Variants in ANO6 observed in about 807,000 individuals in gnomAD.
The protein encoded by ANO6 is anoctamin 6, also known as anoctamin-6.
A neutral mutation model predicts 117.5 loss-of-function variants in ANO6; 106 were observed. The ratio of observed to expected loss-of-function variants is 0.90; its 90% CI spans 0.77 to 1.06. The LOEUF is 1.06. Ranked by LOEUF, ANO6 falls within the 50% of genes least tolerant of loss-of-function variation. The pLI is 0.00. For missense variants in ANO6, 955 were observed against 1,121.1 expected, an observed-to-expected ratio of 0.85 and a Z score of 2.12; for synonymous variants, 367 against 385.1, an observed-to-expected ratio of 0.95 and a Z score of 0.55.
chr12:45,310,878 C>T (rs1939827223), intron 2 of ANO6, among the ~76,000 whole-genome samples: 1 of 151,222 alleles, frequency 6.6e-6, no homozygotes, highest in African/African-American at 2.4e-5. Context: ...AATGGAGACA[C>T]TGGAGCTGAA....
intron 8 of ANO6, among the ~76,000 whole-genome samples, chr12:45,363,479 G>A (rs748115438): frequency 5.3e-5 from 8 of 151,628 alleles, no homozygotes; most frequent in South Asian, 2.1e-4. Context: ...CAGGAGAATC[G>A]CTTGAACCCG....
At chr12:45,390,618 T>G in intron 12 of ANO6, 120 bp downstream of exon 12, 2 of 898,760 alleles carry the variant, frequency 2.2e-6, no homozygotes, top group Non-Finnish European at 3.5e-6. Flanking sequence ...AACTATATGG[T>G]CTCAGAGAGA....
intron 1 of ANO6, among the ~76,000 whole-genome samples, chr12:45,224,824 T>G (rs1031167690): frequency 5.9e-5 from 9 of 152,212 alleles, no homozygotes; most frequent in African/African-American, 1.9e-4. Flanking sequence ...AATGCTCCTA[T>G]GAAAATTTCC....
intron 12 of ANO6, among the ~76,000 whole-genome samples, chr12:45,393,673 A>G (rs1002499877): frequency 6.6e-6 from 1 of 152,224 alleles, no homozygotes; most frequent in African/African-American, 2.4e-5. Flanking sequence ...GAGCCAGAAG[A>G]GAGTGGGGGC....
chr12:45,409,969 T>C (rs1337100079), intron 16 of ANO6, among the ~76,000 whole-genome samples: 1 of 152,186 alleles, frequency 6.6e-6, no homozygotes, highest in Non-Finnish European at 1.5e-5. Flanking sequence ...TTGTCCAGGC[T>C]AGTCTCAAAC....
At chr12:45,316,424 G>A (rs759730648) in intron 2 of ANO6, among the ~76,000 whole-genome samples, 1 of 152,020 alleles carries the variant, frequency 6.6e-6, no homozygotes, top group African/African-American at 2.4e-5. Flanking sequence ...AAGAGGAAAC[G>A]GAGCAAAGGA....
chr12:45,395,167 T>A (rs1198569028), intron 12 of ANO6, among the ~76,000 whole-genome samples: 1 of 152,152 alleles, frequency 6.6e-6, no homozygotes, highest in Non-Finnish European at 1.5e-5. Flanking sequence ...ATATTGCCAC[T>A]GATCCCATAG....
intron 10 of ANO6, chr12:45,383,465 T>G (rs1942219096): frequency 6.6e-6 from 1 of 152,228 alleles, no homozygotes; most frequent in Admixed American, 6.5e-5. Flanking sequence ...TTCCAGAAGA[T>G]TTCTGCTTAT....
At chr12:45,439,979 T>C in exon 20 of ANO6, 1 of 1,447,458 alleles carries the variant, frequency 6.9e-7, no homozygotes. Context: ...TGTGTGTCTA[T>C]TATGTGGCCA....
chr12:45,270,418 T>G (rs1938356831), intron 1 of ANO6: 1 of 1,516,254 alleles, frequency 6.6e-7, no homozygotes, highest in East Asian at 2.5e-5. Context: ...ACACCATCCC[T>G]TATATTGGCC....
chr12:45,238,799 CAT>C (rs1056006604), intron 1 of ANO6, among the ~76,000 whole-genome samples: 130 of 149,684 alleles, frequency 8.7e-4, no homozygotes, highest in African/African-American at 3.1e-3. Flanking sequence ...TTGAGATAAT[CAT>C]GTGGTTTTTG....
chr12:45,374,704 C>T (rs1593032107), intron 9 of ANO6, among the ~76,000 whole-genome samples: 1 of 143,390 alleles, frequency 7.0e-6, no homozygotes, highest in East Asian at 2.1e-4. Context: ...GGACGTATTT[C>T]AAAATAATAA....
intron 12 of ANO6, among the ~76,000 whole-genome samples, chr12:45,397,296 T>G (rs1942644367): frequency 6.6e-6 from 1 of 152,170 alleles, no homozygotes; most frequent in Non-Finnish European, 1.5e-5. Context: ...AGATACCATC[T>G]CACACCAGTT....
rs138873652 is a variant in ANO6 at position 45,381,149 on chromosome 12, C to T, written c.1165+3036C>T. On this transcript the variant is annotated intron_variant, in intron 10 of 19. Coordinates refer to ENST00000320560, the MANE Select transcript of ANO6 (RefSeq NM_001025356.3). The stretch of plus-strand genomic sequence containing the variant: ...CATCCTTAGACAATGCAGGATATAA[C>T]ACCATAACACTTTACTGCTCTGAAA... 3.3e-4 allele frequency among the ~76,000 whole-genome samples: 50 copies of T among 152,306 alleles called. 1 individual carries two copies. The highest frequency in any genetic ancestry group is 1.1e-3 in the African/African-American group (46 of 41,570).
intron 9 of ANO6, 39 bp from the exon 10 acceptor site, chr12:45,378,014 G>A (rs1942074638): frequency 6.5e-7 from 1 of 1,543,928 alleles, no homozygotes; most frequent in Non-Finnish European, 9.0e-7. Context: ...CTAATAAGTG[G>A]AGGATATGAC....
At chr12:45,237,577 G>A (rs541381816) in intron 1 of ANO6, among the ~76,000 whole-genome samples, 5 of 152,216 alleles carry the variant, frequency 3.3e-5, no homozygotes, top group Non-Finnish European at 7.4e-5. Context: ...TGTTCCATTG[G>A]TCTATATCTC....
chr12:45,420,033 A>G (rs1943317323), intron 17 of ANO6, among the ~76,000 whole-genome samples: 1 of 151,614 alleles, frequency 6.6e-6, no homozygotes, highest in South Asian at 2.1e-4. Context: ...TTGACTATGA[A>G]TGGGACAACC....
chr12:45,293,744 T>G lies in ANO6; in HGVS notation c.71-8270T>G, dbSNP rs28562894. Among the ~76,000 whole-genome samples, 7 of 130,600 alleles carry G rather than the reference T, an allele frequency of 5.4e-5. No homozygotes were observed. The East Asian group carries it at 9.4e-4, about 18-fold the overall frequency. 85.7% of individuals were successfully genotyped at this position (130,600 alleles called of 152,430 possible). A position where few individuals can be genotyped will look rare whatever the true frequency, so the allele number is the denominator to read the frequency against. On this transcript the variant is annotated intron_variant, in intron 1 of 19. Coordinates refer to ENST00000320560, the MANE Select transcript of ANO6 (RefSeq NM_001025356.3). ...CCTGGCTAATGTTTTTTTTTTTTTTTTTTTTTTTTTTTGTATTTTTAGTAG... is the reference window on the plus strand; with the variant it reads ...CCTGGCTAATGTTTTTTTTTTTTTTGTTTTTTTTTTTTGTATTTTTAGTAG...
chr12:45,376,619 G>A (rs1430917926), intron 9 of ANO6, among the ~76,000 whole-genome samples: 1 of 148,048 alleles, frequency 6.8e-6, no homozygotes, highest in Non-Finnish European at 1.5e-5. Context: ...ACCAAACACC[G>A]CATATTCTCA....
Sources: allele counts gnomAD v4.1 joint callset (sites outside exome capture counted in the v4.1 genomes callset), GRCh38; gene constraint gnomAD v4.1.1; transcripts MANE v1.5; gene names NCBI Gene and HGNC (gene_info 2026-07-23, HGNC 2026-07-21).